TMEFF2: variants seen among roughly 807,000 people sequenced by gnomAD.
The protein encoded by TMEFF2 is transmembrane protein with EGF like and two follistatin like domains 2, also known as tomoregulin-2.
In TMEFF2, 28 loss-of-function variants were observed where a neutral mutation model predicts 53.8. The ratio of observed to expected loss-of-function variants is 0.52; its 90% CI spans 0.39 to 0.71. The LOEUF is 0.71. TMEFF2 is among the 30% of genes least tolerant of loss of function. The pLI, the probability that TMEFF2 is intolerant of heterozygous loss-of-function variation, is 0.00. For missense variants in TMEFF2, 353 were observed against 455.2 expected, an observed-to-expected ratio of 0.78 and a Z score of 2.04; for synonymous variants, 162 against 166.3, an observed-to-expected ratio of 0.97 and a Z score of 0.20.
rs1574413725 is a variant in TMEFF2 at position 192,146,303 on chromosome 2, T to C, written c.439+33365A>G. 2.0e-5 allele frequency among the ~76,000 whole-genome samples: 3 copies of C among 151,878 alleles called. No homozygotes were observed. In the South Asian group the frequency reaches 6.2e-4, roughly 32 times the overall value. The stretch of plus-strand genomic sequence containing the variant: ...AACTCCAGGTTTGATTTTTAAAGAG[T>C]TCCTCTGACATTTGATTTATTTTAA... On this transcript the variant is annotated intron_variant, in intron 4 of 9. Coordinates refer to ENST00000272771, the MANE Select transcript of TMEFF2 (RefSeq NM_016192.4).
chr2:192,159,389 T>C (rs777385955), intron 4 of TMEFF2, among the ~76,000 whole-genome samples: 4 of 152,116 alleles, frequency 2.6e-5, no homozygotes, highest in South Asian at 2.1e-4. Flanking sequence ...AGTAACCAGA[T>C]TGGCTCATTA....
intron 4 of TMEFF2, among the ~76,000 whole-genome samples, chr2:192,059,346 A>G (rs1687989977): frequency 1.3e-5 from 2 of 152,120 alleles, no homozygotes. Flanking sequence ...TTATCTTATT[A>G]TTCACTCTAT....
At chr2:192,088,814 C>T in intron 4 of TMEFF2, among the ~76,000 whole-genome samples, 1 of 152,060 alleles carries the variant, frequency 6.6e-6, no homozygotes, top group Non-Finnish European at 1.5e-5. Flanking sequence ...TCCAAAATAC[C>T]TTCTGTTCTT....
chr2:192,123,917 A>G (rs1689618205), intron 4 of TMEFF2, among the ~76,000 whole-genome samples: 1 of 152,208 alleles, frequency 6.6e-6, no homozygotes, highest in Non-Finnish European at 1.5e-5. Flanking sequence ...GAGAAATAAG[A>G]AAATGTTTGA....
In TMEFF2 at chr2:191,949,934, A is replaced by ACAT. The variant is rs1342370328; in HGVS notation, c.*374_*376dup. 2.0e-6 allele frequency: 2 copies of ACAT among 1,004,124 alleles called. No individual in the cohort carries two copies. Among genetic ancestry groups the ACAT allele is most frequent in the Non-Finnish European group, 2.4e-6 (2 of 841,400 alleles). 62.2% of individuals were successfully genotyped at this position (1,004,124 alleles called of 1,614,324 possible). A position where few individuals can be genotyped will look rare whatever the true frequency, so the allele number is the denominator to read the frequency against. The stretch of plus-strand genomic sequence containing the variant: ...ATGTGCTGTCTCAAGATGAGAAGAA[A>ACAT]CATGAAATATTGGTAGCTGTACAGA... On this transcript the variant is annotated 3_prime_UTR_variant, in exon 10 of 10. Coordinates refer to ENST00000272771, the MANE Select transcript of TMEFF2 (RefSeq NM_016192.4).
intron 6 of TMEFF2, 79 bp from the exon 7 acceptor site, chr2:191,998,400 C>A (rs1686275915): frequency 1.9e-6 from 2 of 1,043,948 alleles, no homozygotes; most frequent in Non-Finnish European, 2.8e-6. Flanking sequence ...TTTCCTCCAA[C>A]AATATCTTCA....
At chr2:191,969,731 C>T (rs1457963592) in intron 7 of TMEFF2, among the ~76,000 whole-genome samples, 3 of 151,904 alleles carry the variant, frequency 2.0e-5, no homozygotes, top group Non-Finnish European at 4.4e-5. Flanking sequence ...AGTACCTGAC[C>T]AAATTAGTGT....
Position 191,949,599 on chromosome 2 carries a change from C to G in TMEFF2, c.*712G>C. The G allele has an allele frequency of 2.0e-6, 2 of 985,392 alleles. No individual in the cohort carries two copies. The highest frequency in any genetic ancestry group is 2.4e-6 in the Non-Finnish European group (2 of 829,906). The allele number at this position is 985,392 out of a possible 1,614,324, so 61.0% of individuals were successfully genotyped here. A position where few individuals can be genotyped will look rare whatever the true frequency, so the allele number is the denominator to read the frequency against. On this transcript the variant is annotated 3_prime_UTR_variant, in exon 10 of 10. Transcript: ENST00000272771. ...TGTTCAGTAAGTTCAGATATATGCA[C>G]TTAACTGGGGGATTCTAAGCTACTT...
At chr2:192,091,565 T>C (rs1413666890) in intron 4 of TMEFF2, among the ~76,000 whole-genome samples, 2 of 152,202 alleles carry the variant, frequency 1.3e-5, no homozygotes, top group Admixed American at 6.5e-5. Context: ...CTTATTTTAA[T>C]AGCTAAACAC....
intron 4 of TMEFF2, among the ~76,000 whole-genome samples, chr2:192,142,179 G>C (rs1255719534): frequency 6.6e-6 from 1 of 151,912 alleles, no homozygotes; most frequent in South Asian, 2.1e-4. Flanking sequence ...GTAAATTCTT[G>C]GCACTCTGTG....
rs1691546251 is a variant in TMEFF2 at position 192,194,250 on chromosome 2, G to A, written c.172+103C>T. On this transcript the variant is annotated intron_variant, in intron 1 of 9. Transcript: ENST00000272771. The surrounding 1 kb of genome is among the most constrained non-coding windows in gnomAD (Gnocchi z 4.2). ...TGGTATTAGGGGTCTAGGGCAGTAG[G>A]AGGTGAGGGGCTGAGGAGGCGCGCT... is the stretch of plus-strand genomic sequence containing the variant. 5 of 1,362,764 alleles carry A rather than the reference G, an allele frequency of 3.7e-6. No homozygotes were observed. Among genetic ancestry groups the A allele is most frequent in the Non-Finnish European group, 5.1e-6 (5 of 973,470 alleles). 84.4% of individuals were successfully genotyped at this position (1,362,764 alleles called of 1,614,324 possible).
At chr2:191,979,223 T>A (rs6758825) in intron 7 of TMEFF2, among the ~76,000 whole-genome samples, 2 of 152,058 alleles carry the variant, frequency 1.3e-5, no homozygotes, top group African/African-American at 4.8e-5. Flanking sequence ...AAAACAATTC[T>A]GGCATAGAGG....
intron 5 of TMEFF2, among the ~76,000 whole-genome samples, chr2:192,011,778 A>G (rs949595294): frequency 2.6e-5 from 4 of 152,166 alleles, no homozygotes; most frequent in African/African-American, 9.7e-5. Context: ...TGTAAGAGAG[A>G]TCTGATTCAT....
At chr2:192,099,259 A>G (rs1688981892) in intron 4 of TMEFF2, among the ~76,000 whole-genome samples, 1 of 152,154 alleles carries the variant, frequency 6.6e-6, no homozygotes, top group African/African-American at 2.4e-5. Context: ...GGTAACTATT[A>G]TAGGTAAATT....
At chr2:192,002,700 G>A (rs755686145) in intron 5 of TMEFF2, among the ~76,000 whole-genome samples, 7 of 152,046 alleles carry the variant, frequency 4.6e-5, no homozygotes, top group South Asian at 2.1e-4. Flanking sequence ...TGTGCTGTTG[G>A]GCACCTGTAA....
chr2:191,957,751 A>G (rs1692150905), intron 7 of TMEFF2, among the ~76,000 whole-genome samples: 1 of 152,222 alleles, frequency 6.6e-6, no homozygotes, highest in South Asian at 2.1e-4. Context: ...GGGATTTACC[A>G]TCAAGATACT....
intron 4 of TMEFF2, among the ~76,000 whole-genome samples, chr2:192,120,244 A>AT (rs1340332740): frequency 6.6e-6 from 1 of 151,798 alleles, no homozygotes; most frequent in East Asian, 1.9e-4. Flanking sequence ...CTGGCCTTAC[A>AT]TTTTTTTTCT....
At chr2:192,185,632 C>A (rs902724194) in intron 2 of TMEFF2, among the ~76,000 whole-genome samples, 1 of 151,704 alleles carries the variant, frequency 6.6e-6, no homozygotes, top group East Asian at 1.9e-4. Flanking sequence ...CATAAATAAA[C>A]CTCAACTCAA....
intron 5 of TMEFF2, among the ~76,000 whole-genome samples, chr2:192,021,002 T>A (rs1175640883): frequency 6.6e-6 from 1 of 152,160 alleles, no homozygotes; most frequent in Non-Finnish European, 1.5e-5. Flanking sequence ...CAACAACACT[T>A]TATCTATTTA....
Sources: gnomAD v4.1 joint callset for allele counts (sites outside exome capture counted in the v4.1 genomes callset) on GRCh38, gnomAD v4.1.1 for gene constraint, Gnocchi (gnomAD v3.1) non-coding constraint, MANE v1.5 for transcripts, NCBI Gene and HGNC (gene_info 2026-07-23, HGNC 2026-07-21) for gene names.